Variants in NIBAN3 observed in about 807,000 individuals in gnomAD.
NIBAN3 encodes protein Niban 3.
In NIBAN3, 66 loss-of-function variants were observed where a neutral mutation model predicts 76.4. The observed-to-expected ratio is 0.86, with a 90% confidence interval of 0.71 to 1.06. The LOEUF (loss-of-function observed/expected upper bound fraction) is 1.06, where lower values mean the gene tolerates loss of function less well. Ranked by LOEUF, NIBAN3 falls within the 50% of genes least tolerant of loss-of-function variation. The probability of loss-of-function intolerance (pLI) is 0.00; values close to 1 mark genes in which losing one functional copy is unlikely to be tolerated. For missense variants in NIBAN3, 808 were observed against 810.7 expected (o/e 1.00, Z 0.04); for synonymous variants, 360 against 355.2 (o/e 1.01, Z -0.15).
chr19:17,534,659 C>T (rs998057981), intron 4 of NIBAN3, among the ~76,000 whole-genome samples: 14 of 152,086 alleles, frequency 9.2e-5, no homozygotes, highest in South Asian at 4.2e-4. Flanking sequence ...GTTGTGGTGG[C>T]GGGCACCTGT....
intron 13 of NIBAN3, among the ~76,000 whole-genome samples, chr19:17,547,629 A>G (rs1024003268): frequency 2.4e-5 from 3 of 126,874 alleles, no homozygotes; most frequent in Non-Finnish European, 3.5e-5. Flanking sequence ...CTGGGATTAC[A>G]GGCGTGAGCC....
In NIBAN3 at chr19:17,533,618, C is replaced by G; in HGVS notation, c.344C>G (p.Ser115Ter). The change falls in exon 4 of 15, where the codon TCA (serine) becomes TGA (stop). Residue 115 changes from serine to a stop codon, truncating the protein, a stop_gained. Coordinates refer to ENST00000599164, the MANE Select transcript of NIBAN3 (RefSeq NM_001321827.2). LOFTEE classifies it high-confidence loss of function. The stretch of plus-strand genomic sequence containing the variant: ...GAAAACGGGGGCCACTGCCTTGGCT[C>G]AACAGCCCTGACAGGATACACGCTC... The part of the protein sequence containing the change: ...EYENGGHCLG[S>*]TALTGYTLLT... 1 of 1,614,112 alleles carries G rather than the reference C, an allele frequency of 6.2e-7. No individual in the cohort carries two copies. Among genetic ancestry groups the G allele is most frequent in the Non-Finnish European group, 8.5e-7 (1 of 1,179,984 alleles).
intron 2 of NIBAN3, 76 bp from the exon 3 acceptor site, chr19:17,532,187 G>A: frequency 6.6e-7 from 1 of 1,523,622 alleles, no homozygotes; most frequent in Non-Finnish European, 8.8e-7. Flanking sequence ...CCAGGATACA[G>A]CGGGTGTCTG....
At chr19:17,539,839 A>G (rs1045921369) in intron 8 of NIBAN3, 74 bp downstream of exon 8, 1 of 1,200,274 alleles carries the variant, frequency 8.3e-7, no homozygotes, top group South Asian at 1.5e-5. Context: ...GACCTAAGCG[A>G]AGAATGGGCT....
chr19:17,542,374 A>C lies in NIBAN3; in HGVS notation c.1329+80A>C. ...ACCTCCTGCTAAGTGTGCCCTGGAG[A>C]GACCACGATGATCGAGACAACTCCG... On this transcript the variant is annotated intron_variant, in intron 10 of 14. Transcript: ENST00000599164. This position sits in a 1 kb window ranked among gnomAD's most constrained non-coding sequence, Gnocchi z 4.8. 6.9e-7 allele frequency: 1 copy of C among 1,439,086 alleles called. No individual in the cohort carries two copies. Among genetic ancestry groups the C allele is most frequent in the African/African-American group, 1.4e-5 (1 of 70,260 alleles). The allele number at this position is 1,439,086 out of a possible 1,614,324, so 89.1% of individuals were successfully genotyped here. A position where few individuals can be genotyped will look rare whatever the true frequency, so the allele number is the denominator to read the frequency against.
At chr19:17,527,481 G>A in intron 1 of NIBAN3, 86 bp downstream of exon 1, 1 of 1,389,422 alleles carries the variant, frequency 7.2e-7, no homozygotes, top group Non-Finnish European at 9.5e-7. Context: ...GCAGCAGATG[G>A]GGTTCGGTTC....
chr19:17,533,970 A>G (rs1457647434), intron 4 of NIBAN3, among the ~76,000 whole-genome samples: 2 of 152,136 alleles, frequency 1.3e-5, no homozygotes, highest in Non-Finnish European at 2.9e-5. Context: ...ACAAACAAAC[A>G]AACACCCACT....
chr19:17,546,780 T>G lies in NIBAN3; in HGVS notation c.1649T>G (p.Leu550Arg). ...GAGGACGTCATCCGGGGGTGCTTGC[T>G]GCAGAGGATTGACCAAGGTGAGTCC... Reference protein sequence around the residue: ...IYEDVIRGCLLQRIDQELKKT... With the variant: ...IYEDVIRGCLRQRIDQELKKT... Residue 550 changes from leucine to arginine, a missense_variant, in exon 13 of 15, where the codon CTG becomes CGG. Coordinates refer to ENST00000599164, the MANE Select transcript of NIBAN3 (RefSeq NM_001321827.2). 6.3e-7 allele frequency: 1 copy of G among 1,599,784 alleles called. No individual in the cohort carries two copies.
At position 17,553,125 on chromosome 19, in the gene NIBAN3, T is replaced by G. The variant is rs1053185712; in HGVS notation, c.*1227T>G. 8 of 867,304 alleles carry G rather than the reference T, an allele frequency of 9.2e-6. No homozygotes were observed. The highest frequency in any genetic ancestry group is 3.9e-4 in the Middle Eastern group (1 of 2,568). 53.7% of individuals were successfully genotyped at this position (867,304 alleles called of 1,614,324 possible). A position where few individuals can be genotyped will look rare whatever the true frequency, so the allele number is the denominator to read the frequency against. ...ATTAGCCATTTACATGTTTGTAGTTTTTTTTTTTTTAATTTCAGTGAATTG... is the reference window on the plus strand; with the variant it reads ...ATTAGCCATTTACATGTTTGTAGTTGTTTTTTTTTTAATTTCAGTGAATTG... On this transcript the variant is annotated 3_prime_UTR_variant, in exon 15 of 15. Coordinates refer to ENST00000599164, the MANE Select transcript of NIBAN3 (RefSeq NM_001321827.2).
Position 17,532,247 on chromosome 19 carries a change from C to A in NIBAN3, c.187-16C>A. ...GCCCACAGCCCCCTGACACCCACTG[C>A]TCCCTCTTTCTGCAGAAGCTGCCCC... is the stretch of plus-strand genomic sequence containing the variant. On this transcript the variant is annotated splice_polypyrimidine_tract_variant and intron_variant, in intron 2 of 14. Transcript: ENST00000599164. 6.3e-7 allele frequency: 1 copy of A among 1,598,512 alleles called. No individual in the cohort carries two copies.
upstream of NIBAN3, chr19:17,527,121 C>G (rs529652513): frequency 8.4e-7 from 1 of 1,196,816 alleles, no homozygotes; most frequent in Admixed American, 2.5e-5. Context: ...AACCTAACCC[C>G]GGGGCTGTCC....
At chr19:17,543,829 A>G (rs1243592772) in intron 12 of NIBAN3, 198 bp downstream of exon 12, 2 of 408,778 alleles carry the variant, frequency 4.9e-6, no homozygotes, top group Admixed American at 8.0e-5. Context: ...TGTCTCTACT[A>G]AAAATACAAA....
At chr19:17,547,044 A>T (rs901121160) in intron 13 of NIBAN3, among the ~76,000 whole-genome samples, 3 of 152,086 alleles carry the variant, frequency 2.0e-5, no homozygotes, top group African/African-American at 7.2e-5. Flanking sequence ...GAGAAGAAGG[A>T]GGCAGAGTTC....
chr19:17,535,170 G>A (rs947443642), intron 4 of NIBAN3, among the ~76,000 whole-genome samples: 3 of 152,182 alleles, frequency 2.0e-5, no homozygotes, highest in East Asian at 1.9e-4. Flanking sequence ...TGGCTGTGGC[G>A]GCATATGCCT....
chr19:17,533,051 TCCCTTCAG>T (rs1051319033), intron 3 of NIBAN3, among the ~76,000 whole-genome samples: 2 of 151,918 alleles, frequency 1.3e-5, no homozygotes, highest in Non-Finnish European at 2.9e-5. Flanking sequence ...GGCAAATAGA[TCCCTTCAG>T]CCCAGGAGTT....
At chr19:17,523,582 C>T (rs1440790914), upstream of NIBAN3, 36 of 731,480 alleles carry the variant, frequency 4.9e-5, no homozygotes, top group Middle Eastern at 3.2e-4. Flanking sequence ...GAGCTGCCAG[C>T]ACAGGGACCC....
chr19:17,545,628 T>G (rs892165870), intron 12 of NIBAN3: 1 of 161,792 alleles, frequency 6.2e-6, no homozygotes. Context: ...AGGGGGCCCC[T>G]CCCTGCCTGG....
rs2075974352 is a variant in NIBAN3 at position 17,542,554 on chromosome 19, T to G, written c.1329+260T>G. Reference sequence around the variant, plus strand: ...TTTCAGGAGGAGGGGACTTCCAACATGGGAGAGCAATGGGAGGAATGGCGT... The same window carrying G: ...TTTCAGGAGGAGGGGACTTCCAACAGGGGAGAGCAATGGGAGGAATGGCGT... On this transcript the variant is annotated intron_variant, in intron 10 of 14. Transcript: ENST00000599164. This position sits in a 1 kb window ranked among gnomAD's most constrained non-coding sequence, Gnocchi z 4.8. Among the ~76,000 whole-genome samples, 1 of 152,112 alleles carries G rather than the reference T, an allele frequency of 6.6e-6. No individual in the cohort carries two copies. The highest frequency in any genetic ancestry group is 6.5e-5 in the Admixed American group (1 of 15,270).
chr19:17,526,808 G>GC (rs554749325), upstream of NIBAN3, among the ~76,000 whole-genome samples: 691 of 152,098 alleles, frequency 4.5e-3, 10 homozygotes, highest in African/African-American at 0.016. Flanking sequence ...CTTGGCATCT[G>GC]CCCCCCTGCC....
Sources: gnomAD v4.1 joint callset for allele counts (sites outside exome capture counted in the v4.1 genomes callset) on GRCh38, gnomAD v4.1.1 for gene constraint, Gnocchi (gnomAD v3.1) non-coding constraint, MANE v1.5 for transcripts, NCBI Gene and HGNC (gene_info 2026-07-23, HGNC 2026-07-21) for gene names.